The following EXOC4 variants were observed in gnomAD, a reference collection of about 807,000 sequenced individuals.
EXOC4 encodes the protein exocyst complex component 4, also known as SEC8-like 1.
Under a neutral mutation model 107.2 loss-of-function variants are expected in EXOC4, and 71 were observed. The observed-to-expected ratio is 0.66, with a 90% CI of 0.55 to 0.81. The LOEUF is 0.81. Among genes scored for constraint, EXOC4 ranks in the 30% least tolerant of loss-of-function variants. EXOC4 has a pLI of 0.00. For synonymous variants in EXOC4, 456 were observed against 441.2 expected, an observed-to-expected ratio of 1.03 and a Z score of -0.42; for missense variants, 1,108 against 1,189.6, an observed-to-expected ratio of 0.93 and a Z score of 1.01.
intron 17 of EXOC4, among the ~76,000 whole-genome samples, chr7:134,040,551 T>C (rs1795491278): frequency 6.6e-6 from 1 of 152,124 alleles, no homozygotes; most frequent in Non-Finnish European, 1.5e-5. Flanking sequence ...GAAACCTCCA[T>C]AATGAAGCAC....
chr7:133,686,153 C>T (rs886874618), intron 10 of EXOC4, among the ~76,000 whole-genome samples: 2 of 152,128 alleles, frequency 1.3e-5, no homozygotes, highest in Admixed American at 6.6e-5. Flanking sequence ...ATGTGATGCT[C>T]AGCACCACCT....
At chr7:133,464,810 G>GTTTTTTTTTTTTTTTTT (rs1491525276) in intron 7 of EXOC4, among the ~76,000 whole-genome samples, 1 of 105,670 alleles carries the variant, frequency 9.5e-6, no homozygotes. Context: ...TGGTTGGGTT[G>GTTTTTTTTTTTTTTTTT]GTTTTTTTTT....
chr7:134,091,590 G>A, the EXOC4 span, among the ~76,000 whole-genome samples: 2 of 152,142 alleles, frequency 1.3e-5, no homozygotes, highest in African/African-American at 2.4e-5. Flanking sequence ...ATTTTACGCA[G>A]CCCTTATTCA....
chr7:134,067,442 T>C (rs1486932509), downstream of EXOC4, among the ~76,000 whole-genome samples: 4 of 152,106 alleles, frequency 2.6e-5, no homozygotes, highest in African/African-American at 7.2e-5. Flanking sequence ...AACACTGTTA[T>C]CTACTCTCTG....
chr7:133,520,730 A>G (rs1323695839), intron 9 of EXOC4, among the ~76,000 whole-genome samples: 1 of 152,016 alleles, frequency 6.6e-6, no homozygotes, highest in Non-Finnish European at 1.5e-5. Flanking sequence ...CCCTACCTTC[A>G]TTCCTCTTGT....
intron 5 of EXOC4, among the ~76,000 whole-genome samples, chr7:133,329,112 C>T (rs1174432391): frequency 6.6e-6 from 1 of 152,106 alleles, no homozygotes. Flanking sequence ...AGGCTTTGTT[C>T]ATTTCTTTTC....
chr7:133,326,198 TTC>T (rs915101769), intron 5 of EXOC4, among the ~76,000 whole-genome samples: 2 of 152,256 alleles, frequency 1.3e-5, no homozygotes, highest in African/African-American at 2.4e-5. Flanking sequence ...GTCTGAAGCC[TTC>T]TCTAAACTCG....
At chr7:133,370,970 A>G (rs764122597) in intron 6 of EXOC4, among the ~76,000 whole-genome samples, 1 of 152,202 alleles carries the variant, frequency 6.6e-6, no homozygotes, top group Non-Finnish European at 1.5e-5. Flanking sequence ...CGAAAGATGT[A>G]GGCAGTGTCA....
At chr7:134,040,842 C>T (rs752124055) in intron 17 of EXOC4, among the ~76,000 whole-genome samples, 3 of 152,202 alleles carry the variant, frequency 2.0e-5, no homozygotes, top group Non-Finnish European at 4.4e-5. Context: ...GTGGTACTAT[C>T]ATCAATGGTA....
At chr7:133,484,732 A>G (rs1446845670) in intron 9 of EXOC4, among the ~76,000 whole-genome samples, 1 of 152,138 alleles carries the variant, frequency 6.6e-6, no homozygotes, top group East Asian at 1.9e-4. Flanking sequence ...AAATTTCTAA[A>G]TTAGAAACAT....
intron 7 of EXOC4, among the ~76,000 whole-genome samples, chr7:133,414,723 A>G (rs1374449278): frequency 5.3e-5 from 8 of 152,196 alleles, no homozygotes; most frequent in South Asian, 2.1e-4. Context: ...TATATGTGAT[A>G]TAGTGATTGT....
At chr7:133,358,358 T>C (rs960274008) in intron 6 of EXOC4, among the ~76,000 whole-genome samples, 4 of 152,204 alleles carry the variant, frequency 2.6e-5, no homozygotes, top group African/African-American at 9.6e-5. Flanking sequence ...GTTATATGGT[T>C]GTGGTGCTTA....
chr7:133,372,886 C>T (rs1013221741), intron 6 of EXOC4, among the ~76,000 whole-genome samples: 1 of 152,092 alleles, frequency 6.6e-6, no homozygotes, highest in African/African-American at 2.4e-5. Context: ...AACATAACTG[C>T]CATTCATGGC....
At chr7:133,920,058 C>T (rs1799903992) in intron 13 of EXOC4, among the ~76,000 whole-genome samples, 1 of 152,186 alleles carries the variant, frequency 6.6e-6, no homozygotes, top group Non-Finnish European at 1.5e-5. Context: ...TTGATGCTGT[C>T]AGTGTTTTGG....
At chr7:134,041,514 G>A (rs1418692472) in intron 17 of EXOC4, among the ~76,000 whole-genome samples, 1 of 151,996 alleles carries the variant, frequency 6.6e-6, no homozygotes, top group Non-Finnish European at 1.5e-5. Flanking sequence ...CATGTAAATT[G>A]AATTTAATTT....
intron 7 of EXOC4, among the ~76,000 whole-genome samples, chr7:133,393,183 C>T (rs186702818): frequency 7.9e-5 from 12 of 152,256 alleles, no homozygotes; most frequent in East Asian, 5.8e-4. Context: ...GAACTCATTG[C>T]ATTTCTTGTT....
chr7:133,314,253 CTG>C (rs1794941325), intron 4 of EXOC4, among the ~76,000 whole-genome samples: 2 of 152,110 alleles, frequency 1.3e-5, no homozygotes, highest in Non-Finnish European at 1.5e-5. Context: ...TCATTCATGT[CTG>C]TAGTCACAAA....
At chr7:133,860,318 C>T (rs946995518) in intron 11 of EXOC4, among the ~76,000 whole-genome samples, 1 of 152,224 alleles carries the variant, frequency 6.6e-6, no homozygotes, top group Non-Finnish European at 1.5e-5. Context: ...CTTTCTCCGC[C>T]TCGTTTTCCA....
intron 2 of EXOC4, among the ~76,000 whole-genome samples, chr7:133,283,008 C>T (rs2150535657): frequency 6.6e-6 from 1 of 152,336 alleles, no homozygotes; most frequent in Admixed American, 6.5e-5. Context: ...TTAGATTCTA[C>T]ATGTAAGGGA....
Sources: allele counts gnomAD v4.1 joint callset (sites outside exome capture counted in the v4.1 genomes callset), GRCh38; gene constraint gnomAD v4.1.1; transcripts MANE v1.5; gene names NCBI Gene and HGNC (gene_info 2026-07-23, HGNC 2026-07-21).